PIP4P2: variants seen among roughly 807,000 people sequenced by gnomAD.
The protein encoded by PIP4P2 is phosphatidylinositol-4,5-bisphosphate 4-phosphatase 2.
In PIP4P2, 19 loss-of-function variants were observed where a neutral mutation model predicts 33.3. That is an observed-to-expected ratio of 0.57 (90% CI 0.40 to 0.84). The LOEUF (loss-of-function observed/expected upper bound fraction) is 0.84, where lower values mean the gene tolerates loss of function less well. Ranked by LOEUF, PIP4P2 falls within the 40% of genes least tolerant of loss-of-function variation. The pLI is 0.00. For missense variants in PIP4P2, 270 were observed against 324.7 expected, an observed-to-expected ratio of 0.83 and a Z score of 1.29; for synonymous variants, 110 against 111.9, an observed-to-expected ratio of 0.98 and a Z score of 0.11.
intron 5 of PIP4P2, among the ~76,000 whole-genome samples, 158 bp from the exon 6 acceptor site, chr8:90,996,902 T>G (rs773708160): frequency 2.6e-5 from 4 of 152,152 alleles, no homozygotes; most frequent in Non-Finnish European, 4.4e-5. Context: ...CATGTCATTT[T>G]TAATGGGTGA....
intron 1 of PIP4P2, among the ~76,000 whole-genome samples, chr8:91,034,631 C>T (rs756919995): frequency 2.6e-5 from 4 of 152,192 alleles, no homozygotes; most frequent in Non-Finnish European, 4.4e-5. Flanking sequence ...CTTGGGGGAG[C>T]TTCAGGAAGC....
At chr8:91,012,538 C>G (rs931620129) in intron 4 of PIP4P2, among the ~76,000 whole-genome samples, 1 of 152,050 alleles carries the variant, frequency 6.6e-6, no homozygotes, top group Non-Finnish European at 1.5e-5. Flanking sequence ...TAACCAATAC[C>G]TCTCCTATAG....
chr8:91,023,110 C>T (rs1367354518), intron 1 of PIP4P2, among the ~76,000 whole-genome samples: 1 of 151,804 alleles, frequency 6.6e-6, no homozygotes, highest in African/African-American at 2.4e-5. Context: ...TTTGTCAGAT[C>T]TCAATAAAGA....
chr8:91,015,901 G>A (rs1399887707), intron 4 of PIP4P2, among the ~76,000 whole-genome samples: 1 of 152,214 alleles, frequency 6.6e-6, no homozygotes, highest in Non-Finnish European at 1.5e-5. Flanking sequence ...CTTCAAATAA[G>A]AAGAGGAACA....
intron 1 of PIP4P2, among the ~76,000 whole-genome samples, chr8:91,029,739 G>A (rs751713150): frequency 3.9e-5 from 6 of 152,140 alleles, no homozygotes; most frequent in Non-Finnish European, 8.8e-5. Flanking sequence ...GGGAGACCGA[G>A]GCAGGCAGAT....
chr8:91,036,800 G>A (rs561832935), intron 1 of PIP4P2, among the ~76,000 whole-genome samples: 1 of 152,158 alleles, frequency 6.6e-6, no homozygotes, highest in South Asian at 2.1e-4. Flanking sequence ...CATTATTCTG[G>A]TCATCTGTTG....
intron 5 of PIP4P2, among the ~76,000 whole-genome samples, chr8:91,001,725 G>C (rs1811702508): frequency 6.6e-6 from 1 of 151,956 alleles, no homozygotes; most frequent in African/African-American, 2.4e-5. Flanking sequence ...TAATTATGCT[G>C]TTTGTTGTCA....
chr8:91,015,362 G>A (rs912461351), intron 4 of PIP4P2, among the ~76,000 whole-genome samples: 14 of 152,056 alleles, frequency 9.2e-5, no homozygotes, highest in African/African-American at 1.7e-4. Context: ...GGGAGAGGAC[G>A]AGGAGGAGAC....
At chr8:91,010,121 T>C (rs1811812586) in intron 4 of PIP4P2, among the ~76,000 whole-genome samples, 1 of 151,884 alleles carries the variant, frequency 6.6e-6, no homozygotes, top group South Asian at 2.1e-4. Context: ...ATTCTTGAGT[T>C]AATGTGCTAA....
chr8:91,014,787 A>ACACACACACACACAC, intron 4 of PIP4P2, among the ~76,000 whole-genome samples: 1 of 151,776 alleles, frequency 6.6e-6, no homozygotes, highest in South Asian at 2.1e-4. Context: ...ACACACACAC[A>ACACACACACACACAC]CACACACACG....
intron 2 of PIP4P2, 88 bp from the exon 3 acceptor site, chr8:91,020,351 A>T: frequency 1.1e-5 from 12 of 1,129,346 alleles, no homozygotes; most frequent in Non-Finnish European, 1.6e-5. Context: ...AAAGGATTCC[A>T]TTAAAACTAA....
intron 1 of PIP4P2, among the ~76,000 whole-genome samples, chr8:91,030,695 ATTCC>A (rs1812151149): frequency 6.6e-6 from 1 of 152,206 alleles, no homozygotes; most frequent in African/African-American, 2.4e-5. Context: ...TCCTTTAAGT[ATTCC>A]TTGAGTGTAG....
chr8:91,000,940 A>C (rs554810853), intron 5 of PIP4P2, among the ~76,000 whole-genome samples: 1 of 152,122 alleles, frequency 6.6e-6, no homozygotes, highest in Non-Finnish European at 1.5e-5. Flanking sequence ...TGGGTAATTC[A>C]CTTACCTCTA....
At chr8:91,032,790 AAAAAAAAAAAAG>A (rs1812185708) in intron 1 of PIP4P2, among the ~76,000 whole-genome samples, 2 of 151,650 alleles carry the variant, frequency 1.3e-5, no homozygotes, top group South Asian at 4.2e-4. Flanking sequence ...CAAAAAAAAA[AAAAAAAAAAAAG>A]AAAGAAACAC....
chr8:90,998,901 A>T (rs1811664565), intron 5 of PIP4P2, among the ~76,000 whole-genome samples: 1 of 152,112 alleles, frequency 6.6e-6, no homozygotes, highest in South Asian at 2.1e-4. Flanking sequence ...AGAAACTGCA[A>T]CAAAAGCAAA....
At chr8:91,031,389 G>A (rs905108446) in intron 1 of PIP4P2, among the ~76,000 whole-genome samples, 1 of 152,054 alleles carries the variant, frequency 6.6e-6, no homozygotes, top group African/African-American at 2.4e-5. Flanking sequence ...TTTCTCCTCT[G>A]GATTGTCAGT....
chr8:91,025,533 T>C (rs1166297792), intron 1 of PIP4P2, among the ~76,000 whole-genome samples: 1 of 152,202 alleles, frequency 6.6e-6, no homozygotes, highest in African/African-American at 2.4e-5. Flanking sequence ...TGACCTTTAT[T>C]ATCTCAATTA....
At position 90,995,836 on chromosome 8, in the gene PIP4P2, A is replaced by G. The variant is rs759433806; in HGVS notation, c.631-16T>C. Reference sequence around the variant, plus strand: ...GGGTGCCAACCTAAAATAAAAAGCAATATAAAAACAAAATATTAGAAACTT... The same window carrying G: ...GGGTGCCAACCTAAAATAAAAAGCAGTATAAAAACAAAATATTAGAAACTT... On this transcript the variant is annotated splice_polypyrimidine_tract_variant and intron_variant, in intron 6 of 6. Coordinates refer to ENST00000285419, the MANE Select transcript of PIP4P2 (RefSeq NM_018710.3). 11 of 1,588,578 alleles carry G rather than the reference A, an allele frequency of 6.9e-6. No homozygotes were observed. Among genetic ancestry groups the G allele is most frequent in the Admixed American group, 5.7e-5 (3 of 52,500 alleles).
At chr8:90,999,369 A>T (rs562041937) in intron 5 of PIP4P2, among the ~76,000 whole-genome samples, 1 of 152,244 alleles carries the variant, frequency 6.6e-6, no homozygotes, top group African/African-American at 2.4e-5. Flanking sequence ...ACTTAAAGGT[A>T]AATGTACAGC....
Sources: allele counts gnomAD v4.1 joint callset (sites outside exome capture counted in the v4.1 genomes callset), GRCh38; gene constraint gnomAD v4.1.1; transcripts MANE v1.5; gene names NCBI Gene and HGNC (gene_info 2026-07-23, HGNC 2026-07-21).